Variants in HDAC9 observed in about 807,000 individuals in gnomAD.
HDAC9 encodes histone deacetylase 9, also known as MEF-2 interacting transcription repressor (MITR) protein.
Under a neutral mutation model 139.4 loss-of-function variants are expected in HDAC9, and 41 were observed. That is an observed-to-expected ratio of 0.29 (90% CI 0.23 to 0.38). HDAC9 has a LOEUF of 0.38. Ranked by LOEUF, HDAC9 falls within the 10% of genes least tolerant of loss-of-function variation. HDAC9 has a pLI of 1.00. For synonymous variants in HDAC9, 517 were observed against 476.2 expected (o/e 1.09, Z -1.12); for missense variants, 1,147 against 1,297.0 (o/e 0.88, Z 1.78).
At chr7:18,587,638 C>T (rs1829826733) in intron 3 of HDAC9, among the ~76,000 whole-genome samples, 1 of 152,078 alleles carries the variant, frequency 6.6e-6, no homozygotes, top group African/African-American at 2.4e-5. Context: ...ACCTAGTGAA[C>T]TGAGGTAGAG....
At position 18,997,923 on chromosome 7, in the gene HDAC9, T is replaced by C. The variant is rs1434779028; in HGVS notation, c.*1861T>C. The C allele has an allele frequency of 6.6e-6, 1 of 152,162 alleles. No individual in the cohort carries two copies. Among genetic ancestry groups the C allele is most frequent in the Non-Finnish European group, 1.5e-5 (1 of 68,012 alleles). The allele number at this position is 152,162 out of a possible 1,614,324, so 9.4% of individuals were successfully genotyped here. A position where few individuals can be genotyped will look rare whatever the true frequency, so the allele number is the denominator to read the frequency against. ...AAATCTGAAATGGAATGTAACTTAG[T>C]ATTAGGTAAAAATTGCTTTCATTGC... On this transcript the variant is annotated 3_prime_UTR_variant, in exon 26 of 26. Coordinates refer to ENST00000686413, the MANE Select transcript of HDAC9 (RefSeq NM_178425.4).
chr7:18,508,602 C>T (rs1800503762), intron 2 of HDAC9, among the ~76,000 whole-genome samples: 1 of 130,296 alleles, frequency 7.7e-6, no homozygotes, highest in African/African-American at 3.0e-5. Flanking sequence ...CCTTGTCCCT[C>T]ATCTCACCTG....
At chr7:18,380,484 A>G (rs1182749408) in intron 1 of HDAC9, among the ~76,000 whole-genome samples, 1 of 152,238 alleles carries the variant, frequency 6.6e-6, no homozygotes, top group South Asian at 2.1e-4. Flanking sequence ...TAAGTTTGCC[A>G]TAAAATTTTT....
chr7:18,662,744 T>C (rs755461068), intron 11 of HDAC9, among the ~76,000 whole-genome samples: 7 of 151,584 alleles, frequency 4.6e-5, no homozygotes, highest in Non-Finnish European at 7.4e-5. Context: ...ATGTTAGAGA[T>C]TTGAAGGGAG....
At position 18,872,897 on chromosome 7, in the gene HDAC9, G is replaced by C. The variant is rs531957746; in HGVS notation, c.2685-1581G>C. Among the ~76,000 whole-genome samples the C allele has an allele frequency of 7.7e-4, 117 of 152,234 alleles. 1 individual carries two copies. The highest frequency in any genetic ancestry group is 2.6e-3 in the African/African-American group (107 of 41,560). ...TTACTACGATGCTTATGATTGCATA[G>C]ACAATCTGGTTCAATCATCTACTTA... On this transcript the variant is annotated intron_variant, in intron 21 of 25. Transcript: ENST00000686413.
chr7:18,524,131 A>G (rs965824116), intron 2 of HDAC9, among the ~76,000 whole-genome samples: 6 of 152,128 alleles, frequency 3.9e-5, no homozygotes, highest in African/African-American at 1.4e-4. Context: ...TGGAAGGTAT[A>G]TAGAGATTGG....
chr7:18,216,515 G>T (rs560658155), intron 2 of HDAC9, among the ~76,000 whole-genome samples: 6 of 152,042 alleles, frequency 3.9e-5, no homozygotes, highest in Non-Finnish European at 7.4e-5. Context: ...TAAAGATAGG[G>T]AATCTTTATT....
intron 2 of HDAC9, among the ~76,000 whole-genome samples, chr7:18,190,323 A>G: frequency 6.6e-6 from 1 of 152,224 alleles, no homozygotes. Flanking sequence ...ATATAAATGT[A>G]TATAAATAAA....
At chr7:18,974,582 CTTTGGT>C (rs1784441691) in intron 24 of HDAC9, among the ~76,000 whole-genome samples, 1 of 152,172 alleles carries the variant, frequency 6.6e-6, no homozygotes, top group Admixed American at 6.5e-5. Context: ...GATTCTCAGA[CTTTGGT>C]CAGAATAAGG....
chr7:18,364,824 A>T (rs17347306), intron 1 of HDAC9, among the ~76,000 whole-genome samples: 1 of 152,088 alleles, frequency 6.6e-6, no homozygotes, highest in East Asian at 1.9e-4. Context: ...AAAGAGAGAA[A>T]TCAGGTATTG....
In HDAC9 at chr7:18,497,874, T is replaced by C. The variant is rs368202029; in HGVS notation, c.22+1550T>C. Among the ~76,000 whole-genome samples the C allele has an allele frequency of 3.3e-5, 5 of 152,268 alleles. No individual in the cohort carries two copies. The East Asian group carries it at 9.7e-4, about 29-fold the overall frequency. ...CCAAGTAGCAAGTGTCTGCTGAAGC[T>C]AAGGCTGGCTACAGGTGTTTGCAAG... On this transcript the variant is annotated intron_variant, in intron 2 of 25. Coordinates refer to ENST00000686413, the MANE Select transcript of HDAC9 (RefSeq NM_178425.4).
In HDAC9 at chr7:18,326,118, A is replaced by G. The variant is rs572003365; in HGVS notation, c.-42+35603A>G. ...CATTAGACCAATGATATTCTGACAC[A>G]GCAGAAATGAAATTATTCATAGCAA... On this transcript the variant is annotated intron_variant, in intron 1 of 3. Transcript: ENST00000413509. Among the ~76,000 whole-genome samples, 3 of 152,268 alleles carry G rather than the reference A, an allele frequency of 2.0e-5. No individual in the cohort carries two copies. In the East Asian group the frequency reaches 5.8e-4, roughly 29 times the overall value.
intron 1 of HDAC9, among the ~76,000 whole-genome samples, chr7:18,375,932 A>C (rs1784964317): frequency 6.6e-6 from 1 of 152,218 alleles, no homozygotes; most frequent in African/African-American, 2.4e-5. Context: ...TGAAGAAATA[A>C]TTATAAAATG....
intron 6 of HDAC9, among the ~76,000 whole-genome samples, chr7:18,617,137 A>G (rs1200014184): frequency 6.6e-6 from 1 of 151,892 alleles, no homozygotes; most frequent in Non-Finnish European, 1.5e-5. Flanking sequence ...GTTTTAGTTC[A>G]TTCCCTATTT....
chr7:18,559,565 C>A lies in HDAC9; in HGVS notation c.23-25716C>A, dbSNP rs192625351. 4.8e-3 allele frequency among the ~76,000 whole-genome samples: 737 copies of A among 152,130 alleles called. 5 individuals carry two copies. Among genetic ancestry groups the A allele is most frequent in the Middle Eastern group, 0.014 (4 of 292 alleles). On this transcript the variant is annotated intron_variant, in intron 2 of 25. Transcript: ENST00000686413. ...CTGACAACTCTCTCTCAAGACATTC[C>A]CCATCTCTTTTTTCCATCTCTTTGA...
intron 21 of HDAC9, among the ~76,000 whole-genome samples, chr7:18,852,110 G>A (rs76415045): frequency 0.034 from 5,150 of 152,252 alleles, 264 homozygotes; most frequent in East Asian, 0.13. Flanking sequence ...TTGGTGCTTT[G>A]AGGTATCTTT....
chr7:18,186,960 C>G (rs547586922), intron 2 of HDAC9, among the ~76,000 whole-genome samples: 24 of 152,304 alleles, frequency 1.6e-4, no homozygotes, highest in African/African-American at 5.3e-4. Context: ...TATACTTGGA[C>G]TGACTTTTAC....
chr7:18,346,688 T>G (rs551389754), intron 1 of HDAC9, among the ~76,000 whole-genome samples: 1 of 152,272 alleles, frequency 6.6e-6, no homozygotes, highest in East Asian at 1.9e-4. Flanking sequence ...TTTTTGCTTT[T>G]TGATAAGGTA....
At chr7:18,732,969 A>ATACACACGTGTATGTGTGTGTATGTG (rs1786443027) in intron 13 of HDAC9, among the ~76,000 whole-genome samples, 2 of 133,654 alleles carry the variant, frequency 1.5e-5, no homozygotes, top group African/African-American at 5.8e-5. Flanking sequence ...GTGTATGTGT[A>ATACACACGTGTATGTGTGTGTATGTG]TATACACATG....
Sources: allele counts gnomAD v4.1 joint callset (sites outside exome capture counted in the v4.1 genomes callset), GRCh38; gene constraint gnomAD v4.1.1; transcripts MANE v1.5; gene names NCBI Gene and HGNC (gene_info 2026-07-23, HGNC 2026-07-21).